SNTG2: variants seen among roughly 807,000 people sequenced by gnomAD.
The protein encoded by SNTG2 is gamma-2-syntrophin.
Under a neutral mutation model 70.9 loss-of-function variants are expected in SNTG2, and 74 were observed. The ratio of observed to expected loss-of-function variants is 1.04; its 90% CI spans 0.86 to 1.27. The LOEUF (loss-of-function observed/expected upper bound fraction) is 1.27, where lower values mean the gene tolerates loss of function less well. Ranked by LOEUF, SNTG2 falls within the 50% of genes most tolerant of loss-of-function variation. The probability of loss-of-function intolerance (pLI) is 0.00; values close to 1 mark genes in which losing one functional copy is unlikely to be tolerated. For synonymous variants in SNTG2, 278 were observed against 273.8 expected, an observed-to-expected ratio of 1.02 and a Z score of -0.15; for missense variants, 717 against 690.7, an observed-to-expected ratio of 1.04 and a Z score of -0.43.
chr2:1,017,876 G>A (rs1659956459), intron 1 of SNTG2, among the ~76,000 whole-genome samples: 2 of 152,148 alleles, frequency 1.3e-5, no homozygotes, highest in Admixed American at 6.5e-5. Context: ...TTCTACAAAT[G>A]CGGATGGTGT....
At chr2:1,135,031 C>T (rs568898590) in intron 4 of SNTG2, among the ~76,000 whole-genome samples, 14 of 152,296 alleles carry the variant, frequency 9.2e-5, no homozygotes, top group South Asian at 2.1e-4. Context: ...AAACCCCAGG[C>T]CCTGCAAAAA....
At chr2:1,116,528 C>T (rs1196009503) in intron 4 of SNTG2, among the ~76,000 whole-genome samples, 5 of 105,144 alleles carry the variant, frequency 4.8e-5, no homozygotes, top group African/African-American at 1.1e-4. Flanking sequence ...GTGGGTGCTC[C>T]AGTGTATGAG....
intron 1 of SNTG2, among the ~76,000 whole-genome samples, chr2:977,708 A>G (rs933924540): frequency 6.6e-6 from 1 of 151,986 alleles, no homozygotes; most frequent in Admixed American, 6.6e-5. Context: ...TCAGAGCCTC[A>G]CTGTGCCTCA....
chr2:1,046,667 G>A (rs746805506), intron 1 of SNTG2, among the ~76,000 whole-genome samples: 15 of 152,032 alleles, frequency 9.9e-5, no homozygotes, highest in African/African-American at 2.2e-4. Context: ...TTTTTCTAAC[G>A]ATGTTGAATA....
intron 4 of SNTG2, among the ~76,000 whole-genome samples, chr2:1,113,315 C>T (rs538711111): frequency 3.9e-5 from 6 of 151,954 alleles, no homozygotes; most frequent in African/African-American, 1.4e-4. Context: ...GAGGTTTAAC[C>T]CTTACAGTCC....
intron 1 of SNTG2, among the ~76,000 whole-genome samples, chr2:951,822 C>G (rs975166577): frequency 2.6e-5 from 4 of 152,110 alleles, no homozygotes; most frequent in African/African-American, 7.2e-5. Context: ...AGGAGGCTGC[C>G]GAGAAGCGCG....
chr2:1,001,442 C>A (rs1454842277), intron 1 of SNTG2, among the ~76,000 whole-genome samples: 1 of 151,836 alleles, frequency 6.6e-6, no homozygotes, highest in Non-Finnish European at 1.5e-5. Context: ...AATAAATGTA[C>A]AAAAATCAGT....
chr2:1,116,663 TGGGTGCTCTGGCATGG>T (rs1275690232), intron 4 of SNTG2, among the ~76,000 whole-genome samples: 15 of 112,038 alleles, frequency 1.3e-4, no homozygotes, highest in African/African-American at 4.5e-4. Context: ...CCCTGGTGTG[TGGGTGCTCTGGCATGG>T]GGGTGCTCTG....
intron 1 of SNTG2, among the ~76,000 whole-genome samples, chr2:1,067,538 T>C (rs1427137439): frequency 6.6e-6 from 1 of 152,224 alleles, no homozygotes; most frequent in African/African-American, 2.4e-5. Context: ...TTAAATGTTC[T>C]TAAGCCTCTT....
chr2:1,094,815 A>G (rs532293338), intron 2 of SNTG2, among the ~76,000 whole-genome samples: 17 of 79,968 alleles, frequency 2.1e-4, no homozygotes, highest in Admixed American at 4.2e-4. Flanking sequence ...CAAAGGCCTT[A>G]TAGGTGTGTC....
chr2:1,007,392 G>A (rs1659604616), intron 1 of SNTG2, among the ~76,000 whole-genome samples: 2 of 152,190 alleles, frequency 1.3e-5, no homozygotes, highest in African/African-American at 4.8e-5. Context: ...GGTGTTTGAT[G>A]GACTCACATT....
intron 1 of SNTG2, among the ~76,000 whole-genome samples, chr2:1,038,521 T>C (rs745625393): frequency 4.6e-5 from 7 of 152,204 alleles, no homozygotes; most frequent in Non-Finnish European, 1.0e-4. Flanking sequence ...CTTTTGTTCA[T>C]GTTTGGCAGC....
At chr2:969,557 CTTA>C (rs1267091698) in intron 1 of SNTG2, among the ~76,000 whole-genome samples, 1 of 152,032 alleles carries the variant, frequency 6.6e-6, no homozygotes, top group Non-Finnish European at 1.5e-5. Flanking sequence ...TTATCTAATT[CTTA>C]TTATAGAGAT....
chr2:1,339,475 G>A (rs996500533), intron 16 of SNTG2, among the ~76,000 whole-genome samples: 3 of 152,204 alleles, frequency 2.0e-5, no homozygotes, highest in African/African-American at 7.2e-5. Context: ...ACATGTGCTA[G>A]TTGGGGCTGG....
At chr2:1,116,123 T>C (rs1173711167) in intron 4 of SNTG2, among the ~76,000 whole-genome samples, 2 of 152,202 alleles carry the variant, frequency 1.3e-5, no homozygotes, top group East Asian at 3.9e-4. Flanking sequence ...GATGTAATCG[T>C]AGGTGGTTGG....
chr2:987,654 G>A (rs149097910), intron 1 of SNTG2, among the ~76,000 whole-genome samples: 1 of 152,202 alleles, frequency 6.6e-6, no homozygotes, highest in Non-Finnish European at 1.5e-5. Flanking sequence ...TTCCAGAGCC[G>A]TGAGCGAATA....
chr2:1,160,208 A>G (rs1044090093), intron 6 of SNTG2: 2 of 152,150 alleles, frequency 1.3e-5, no homozygotes, highest in Non-Finnish European at 2.9e-5. Flanking sequence ...ATGCACATAC[A>G]TTGTATATCT....
chr2:1,148,100 C>T (rs1215099592), intron 6 of SNTG2, among the ~76,000 whole-genome samples: 3 of 152,178 alleles, frequency 2.0e-5, no homozygotes, highest in South Asian at 2.1e-4. Context: ...GAGCAGTACT[C>T]ACTGCTGGAA....
chr2:1,298,328 T>A (rs577434521), intron 14 of SNTG2, among the ~76,000 whole-genome samples: 1 of 152,008 alleles, frequency 6.6e-6, no homozygotes, highest in African/African-American at 2.4e-5. Flanking sequence ...GAGATGGGGA[T>A]TTTCCATGTT....
Sources: gnomAD v4.1 joint callset for allele counts (sites outside exome capture counted in the v4.1 genomes callset) on GRCh38, gnomAD v4.1.1 for gene constraint, MANE v1.5 for transcripts, NCBI Gene and HGNC (gene_info 2026-07-23, HGNC 2026-07-21) for gene names.